Variants in MTCH2 observed in about 807,000 individuals in gnomAD.
MTCH2 encodes the protein mitochondrial carrier homolog 2.
In MTCH2, 25 loss-of-function variants were observed where a neutral mutation model predicts 50.6. That is an observed-to-expected ratio of 0.49 (90% confidence interval 0.36 to 0.69). The LOEUF (loss-of-function observed/expected upper bound fraction) is 0.69. Among genes scored for constraint, MTCH2 ranks in the 30% least tolerant of loss-of-function variants. The pLI, the probability that MTCH2 is intolerant of heterozygous loss-of-function variation, is 0.00. For missense variants in MTCH2, 273 were observed against 384.4 expected, an observed-to-expected ratio of 0.71 and a Z score of 2.42; for synonymous variants, 106 against 132.0, an observed-to-expected ratio of 0.80 and a Z score of 1.35.
the MTCH2 span, among the ~76,000 whole-genome samples, chr11:47,610,749 C>A: frequency 6.6e-6 from 1 of 152,030 alleles, no homozygotes; most frequent in African/African-American, 2.4e-5. Context: ...GCATTCTAGA[C>A]ATGAGGAGCC....
chr11:47,641,218 T>C (rs1240826793), intron 1 of MTCH2, among the ~76,000 whole-genome samples: 1 of 152,174 alleles, frequency 6.6e-6, no homozygotes, highest in Non-Finnish European at 1.5e-5. Context: ...TACTGCAACA[T>C]GCTGTCACCT....
At chr11:47,618,945 C>A (rs1234591377) in intron 12 of MTCH2, 26 bp from the exon 13 acceptor site, 1 of 1,489,562 alleles carries the variant, frequency 6.7e-7, no homozygotes, top group Non-Finnish European at 9.0e-7. Flanking sequence ...AAACAAAACA[C>A]AAATAATATC....
downstream of MTCH2, among the ~76,000 whole-genome samples, chr11:47,616,796 G>A (rs1214254534): frequency 6.6e-6 from 1 of 151,050 alleles, no homozygotes. Context: ...AGATTCTCCT[G>A]CCTCAGCCTC....
At chr11:47,604,853 T>C in the MTCH2 span, among the ~76,000 whole-genome samples, 27 of 152,312 alleles carry the variant, frequency 1.8e-4, no homozygotes, top group African/African-American at 6.5e-4. Flanking sequence ...GTACTTGGAA[T>C]GAATACCTCT....
At chr11:47,619,532 G>T (rs1357961176) in intron 12 of MTCH2, among the ~76,000 whole-genome samples, 1 of 151,970 alleles carries the variant, frequency 6.6e-6, no homozygotes, top group Non-Finnish European at 1.5e-5. Context: ...ACCATACCCG[G>T]CCTATTTATT....
intron 1 of MTCH2, 141 bp downstream of exon 1, chr11:47,642,238 C>A (rs1474481854): frequency 1.0e-5 from 7 of 697,534 alleles, no homozygotes; most frequent in East Asian, 3.3e-5. Flanking sequence ...GCTGTCCCTG[C>A]GGGGAGGTAA....
At chr11:47,610,362 A>ATAAC in the MTCH2 span, among the ~76,000 whole-genome samples, 1 of 152,018 alleles carries the variant, frequency 6.6e-6, no homozygotes, top group African/African-American at 2.4e-5. Flanking sequence ...TAAAATTCTA[A>ATAAC]TAACTATCAC....
At chr11:47,628,564 C>T (rs139177217) in intron 9 of MTCH2, among the ~76,000 whole-genome samples, 1 of 149,966 alleles carries the variant, frequency 6.7e-6, no homozygotes, top group African/African-American at 2.4e-5. Context: ...AAACTGTCAT[C>T]TTGTTTATTT....
rs764140405 is a variant in MTCH2 at position 47,630,618 on chromosome 11, C to T, written c.480-4G>A. On this transcript the variant is annotated splice_polypyrimidine_tract_variant and splice_region_variant and intron_variant, in intron 7 of 12. Transcript: ENST00000302503. ...TATTATGGAATCACAAAGTCCACTACGTACACAAGAAGAAAAGGTAAAATA... is the reference window on the plus strand; with the variant it reads ...TATTATGGAATCACAAAGTCCACTATGTACACAAGAAGAAAAGGTAAAATA... The T allele has an allele frequency of 1.6e-5, 26 of 1,607,128 alleles. No homozygotes were observed. Among genetic ancestry groups the T allele is most frequent in the Admixed American group, 3.3e-5 (2 of 59,744 alleles).
chr11:47,604,862 C>T, the MTCH2 span, among the ~76,000 whole-genome samples: 68 of 152,172 alleles, frequency 4.5e-4, no homozygotes, highest in Non-Finnish European at 8.7e-4. Context: ...ATGAATACCT[C>T]TGAGGGGATC....
chr11:47,622,971 C>T (rs2097294666), intron 11 of MTCH2, among the ~76,000 whole-genome samples, 195 bp from the exon 12 acceptor site: 1 of 152,148 alleles, frequency 6.6e-6, no homozygotes, highest in African/African-American at 2.4e-5. Flanking sequence ...ATTTAGGTTT[C>T]AAATAAATAA....
At chr11:47,621,000 TTC>T (rs1383030485) in intron 12 of MTCH2, among the ~76,000 whole-genome samples, 2 of 152,204 alleles carry the variant, frequency 1.3e-5, no homozygotes, top group Non-Finnish European at 2.9e-5. Flanking sequence ...CCGTAATCCA[TTC>T]TCTGTCTGCT....
rs372810341 is a variant in MTCH2 at position 47,641,044 on chromosome 11, G to A, written c.87+1335C>T. Among the ~76,000 whole-genome samples the A allele has an allele frequency of 5.9e-5, 9 of 151,962 alleles. No homozygotes were observed. In the South Asian group the frequency reaches 1.2e-3, roughly 21 times the overall value. ...CCCGACTAGCTGGGATTACGTGCAC[G>A]CACCACCACACCTGGCTATATTTTG... On this transcript the variant is annotated intron_variant, in intron 1 of 12. Transcript: ENST00000302503.
intron 3 of MTCH2, among the ~76,000 whole-genome samples, chr11:47,637,499 GT>G (rs944694720): frequency 4.0e-5 from 6 of 149,768 alleles, no homozygotes; most frequent in East Asian, 2.0e-4. Flanking sequence ...CAAGCAAGAG[GT>G]TTTTTTTTTC....
chr11:47,639,161 A>T, intron 1 of MTCH2, 110 bp from the exon 2 acceptor site: 4 of 936,514 alleles, frequency 4.3e-6, no homozygotes, highest in Non-Finnish European at 6.4e-6. Flanking sequence ...ACACAAGTAA[A>T]AATGCAGCAT....
At chr11:47,623,721 T>C (rs1035084389) in intron 11 of MTCH2, among the ~76,000 whole-genome samples, 1 of 152,174 alleles carries the variant, frequency 6.6e-6, no homozygotes, top group South Asian at 2.1e-4. Context: ...TTTAATGATA[T>C]GTCAGGTACC....
chr11:47,616,397 C>T (rs2097288428), downstream of MTCH2, among the ~76,000 whole-genome samples: 1 of 151,810 alleles, frequency 6.6e-6, no homozygotes, highest in Admixed American at 6.6e-5. Context: ...CTCACTCTGT[C>T]ACCCAGTGGC....
At chr11:47,637,394 CTT>C (rs1256139996) in intron 3 of MTCH2, among the ~76,000 whole-genome samples, 4 of 152,198 alleles carry the variant, frequency 2.6e-5, no homozygotes, top group East Asian at 3.8e-4. Flanking sequence ...GGGCAAGACT[CTT>C]TTCTTCCCTG....
At chr11:47,624,997 A>C (rs368545309) in intron 11 of MTCH2, among the ~76,000 whole-genome samples, 2 of 152,182 alleles carry the variant, frequency 1.3e-5, no homozygotes, top group Non-Finnish European at 2.9e-5. Context: ...CTGAGGCATG[A>C]GAACTGCTTG....
Sources: allele counts gnomAD v4.1 joint callset (sites outside exome capture counted in the v4.1 genomes callset), GRCh38; gene constraint gnomAD v4.1.1; transcripts MANE v1.5; gene names NCBI Gene and HGNC (gene_info 2026-07-23, HGNC 2026-07-21).